The following PDZD4 variants were observed in gnomAD, a reference collection of about 807,000 sequenced individuals.
PDZD4 encodes the protein PDZ domain-containing protein 4.
In PDZD4, 9 loss-of-function variants were observed where a neutral mutation model predicts 38.5. That is an observed-to-expected ratio of 0.23 (90% CI 0.14 to 0.41). The LOEUF (loss-of-function observed/expected upper bound fraction) is 0.41, where lower values mean the gene tolerates loss of function less well. PDZD4 is among the 10% of genes least tolerant of loss of function. The pLI, the probability that PDZD4 is intolerant of heterozygous loss-of-function variation, is 1.00. For synonymous variants in PDZD4, 349 were observed against 315.7 expected (o/e 1.11, Z -1.12); for missense variants, 612 against 722.0 (o/e 0.85, Z 1.75).
At position 153,830,266 on chromosome X, in the gene PDZD4, C is replaced by G. The variant is rs782424665; in HGVS notation, c.33G>C (p.Pro11=). The G allele has an allele frequency of 2.5e-5, 30 of 1,204,019 alleles. No individual in the cohort carries two copies. Among genetic ancestry groups the G allele is most frequent in the Non-Finnish European group, 3.4e-5 (30 of 891,665 alleles). The change falls in exon 1 of 8, where the codon CCG becomes CCC. Residue 11 remains proline (P), a synonymous_variant. Transcript: ENST00000393758. ...GCAGCATCACTTTGTACTGCTCCTC[C>G]GGTTTCTGGACCACGCACATATTAC... MGCNMCVVQK[P]EEQYKVMLQV...
At chrX:153,829,785 T>C (rs2064522213) in intron 1 of PDZD4, 5 of 754,808 alleles carry the variant, frequency 6.6e-6, no homozygotes, top group Non-Finnish European at 7.8e-6. Flanking sequence ...CAGGCGGGAG[T>C]GGGTGTCGGG....
chrX:153,829,592 G>A (rs972397104), intron 1 of PDZD4: 144 of 424,613 alleles, frequency 3.4e-4, no homozygotes, highest in East Asian at 4.0e-4. Context: ...GGGCCGCGGG[G>A]CTGGGCTCCA....
At chrX:153,810,964 T>G (rs1480411597) in intron 1 of PDZD4, among the ~76,000 whole-genome samples, 2 of 112,707 alleles carry the variant, frequency 1.8e-5, no homozygotes, top group Non-Finnish European at 3.8e-5. Context: ...CAGTTCATTT[T>G]TTTGTTTTTT....
chrX:153,816,907 T>G (rs934666021), intron 1 of PDZD4, among the ~76,000 whole-genome samples: 5 of 110,649 alleles, frequency 4.5e-5, no homozygotes, highest in Non-Finnish European at 9.5e-5. Context: ...AGCTTGGGTT[T>G]TAGAGGTAGG....
At chrX:153,816,201 C>T (rs899710808) in intron 1 of PDZD4, among the ~76,000 whole-genome samples, 34 of 104,337 alleles carry the variant, frequency 3.3e-4, no homozygotes, top group African/African-American at 1.1e-3. Context: ...CCAGGCCTGT[C>T]GGGGGCTCGG....
At chrX:153,806,317 C>T (rs1557077039) in intron 4 of PDZD4, among the ~76,000 whole-genome samples, 184 bp from the exon 5 acceptor site, 2 of 112,352 alleles carry the variant, frequency 1.8e-5, no homozygotes, top group African/African-American at 3.2e-5. Flanking sequence ...CTGCCCTGCA[C>T]TCCTAGGCTC....
In PDZD4 at chrX:153,809,542, G is replaced by A. The variant is rs1344048077; in HGVS notation, c.61-947C>T. ...GCGGAGCTTGCAGTGAGCCGAGATC[G>A]CACCACTGTACTCCAGCTTGGGCGA... On this transcript the variant is annotated intron_variant, in intron 1 of 7. Transcript: ENST00000393758. 3.6e-5 allele frequency among the ~76,000 whole-genome samples: 4 copies of A among 112,413 alleles called. No homozygotes were observed. The Admixed American group carries it at 3.7e-4, about 11-fold the overall frequency.
intron 1 of PDZD4, among the ~76,000 whole-genome samples, chrX:153,827,471 C>A (rs782335417): frequency 8.9e-6 from 1 of 112,191 alleles, no homozygotes; most frequent in East Asian, 2.8e-4. Flanking sequence ...GGTGGAAGCA[C>A]CCCAAATGCT....
At chrX:153,822,446 C>A (rs1557081558) in intron 1 of PDZD4, among the ~76,000 whole-genome samples, 1 of 111,495 alleles carries the variant, frequency 9.0e-6, no homozygotes, top group Admixed American at 9.6e-5. Context: ...GCAATATTCC[C>A]TCTGCAGCGT....
At chrX:153,822,182 G>C (rs1470763150) in intron 1 of PDZD4, among the ~76,000 whole-genome samples, 85 of 38,982 alleles carry the variant, frequency 2.2e-3, no homozygotes, top group Non-Finnish European at 3.8e-3. Flanking sequence ...GCAAGACTCT[G>C]TCTCAAAAAA....
In PDZD4 at chrX:153,808,270, G is replaced by A. The variant is rs964907538; in HGVS notation, c.314+72C>T. On this transcript the variant is annotated intron_variant, in intron 2 of 7. Coordinates refer to ENST00000393758, the MANE Select transcript of PDZD4 (RefSeq NM_001303512.2). ...CCTGCTTCCTGCCCGAGAGGGTGGC[G>A]TGCGGATGGCCGCTCCAGGTGGCCT... The A allele has an allele frequency of 2.2e-5, 25 of 1,124,278 alleles. No individual in the cohort carries two copies. The Admixed American group carries it at 3.5e-4, about 16-fold the overall frequency. The allele number at this position is 1,124,278 out of a possible 1,213,427, so 92.7% of individuals were successfully genotyped here.
intron 7 of PDZD4, 75 bp from the exon 8 acceptor site, chrX:153,804,975 G>C (rs1220598370): frequency 2.7e-6 from 3 of 1,131,979 alleles, no homozygotes; most frequent in Non-Finnish European, 3.6e-6. Context: ...AGGAGGATCG[G>C]AAGGGGCTTC....
chrX:153,819,120 G>C (rs782320912), intron 1 of PDZD4, among the ~76,000 whole-genome samples: 2,411 of 112,828 alleles, frequency 0.021, 33 homozygotes, highest in Admixed American at 0.036. Flanking sequence ...CGACGGCGGC[G>C]GGGTGGCTGC....
chrX:153,808,706 G>C, intron 1 of PDZD4, 111 bp from the exon 2 acceptor site: 1 of 912,752 alleles, frequency 1.1e-6, no homozygotes, highest in Non-Finnish European at 1.5e-6. Flanking sequence ...AGCACCCCAA[G>C]CCACTCAAGC....
rs782540154 is a variant in PDZD4 at position 153,808,333 on chromosome X, G to A, written c.314+9C>T. 4 of 1,198,349 alleles carry A rather than the reference G, an allele frequency of 3.3e-6. No individual in the cohort carries two copies. Among genetic ancestry groups the A allele is most frequent in the Middle Eastern group, 2.3e-4 (1 of 4,287 alleles). Reference sequence around the variant, plus strand: ...GGCAGGGCCCGGGGCCCTCCTGAGGGCGACTCACAGCTCAGAGAGGACGTA... The same window carrying A: ...GGCAGGGCCCGGGGCCCTCCTGAGGACGACTCACAGCTCAGAGAGGACGTA... On this transcript the variant is annotated intron_variant, in intron 2 of 7. Transcript: ENST00000393758.
At chrX:153,806,275 A>G in intron 4 of PDZD4, 142 bp from the exon 5 acceptor site, 1 of 583,623 alleles carries the variant, frequency 1.7e-6, no homozygotes, top group Non-Finnish European at 2.9e-6. Context: ...AAGCAGAGGC[A>G]GAGGCTGTGG....
At chrX:153,804,981 G>A (rs1288320551) in intron 7 of PDZD4, 81 bp from the exon 8 acceptor site, 1 of 1,119,766 alleles carries the variant, frequency 8.9e-7, no homozygotes, top group Admixed American at 2.3e-5. Context: ...ATCGGAAGGG[G>A]CTTCAGGCCT....
At chrX:153,819,017 G>C (rs1413845616) in intron 1 of PDZD4, among the ~76,000 whole-genome samples, 1 of 112,600 alleles carries the variant, frequency 8.9e-6, no homozygotes, top group Non-Finnish European at 1.9e-5. Flanking sequence ...CTTAGGGGAC[G>C]CGGGAAGCGG....
At chrX:153,810,660 C>T (rs782819996) in intron 1 of PDZD4, among the ~76,000 whole-genome samples, 223 of 112,498 alleles carry the variant, frequency 2.0e-3, no homozygotes, top group Middle Eastern at 4.6e-3. Flanking sequence ...CCTCCCACCC[C>T]GGGTTTCTCA....
Sources: gnomAD v4.1 joint callset for allele counts (sites outside exome capture counted in the v4.1 genomes callset) on GRCh38, gnomAD v4.1.1 for gene constraint, MANE v1.5 for transcripts, NCBI Gene and HGNC (gene_info 2026-07-23, HGNC 2026-07-21) for gene names.